PTK7: variants seen among roughly 807,000 people sequenced by gnomAD.
The protein encoded by PTK7 is protein tyrosine kinase 7 (inactive).
PTK7 carries 39 observed loss-of-function variants against 116.6 expected under a neutral mutation model. The observed-to-expected ratio is 0.33, with a 90% CI of 0.26 to 0.44. PTK7 has a LOEUF of 0.44. Ranked by LOEUF, PTK7 falls within the 20% of genes least tolerant of loss-of-function variation. The pLI is 1.00. For synonymous variants in PTK7, 546 were observed against 563.6 expected, an observed-to-expected ratio of 0.97 and a Z score of 0.44; for missense variants, 1,169 against 1,425.6, an observed-to-expected ratio of 0.82 and a Z score of 2.90.
At chr6:43,130,477 C>A in intron 4 of PTK7, 34 bp from the exon 5 acceptor site, 2 of 1,610,408 alleles carry the variant, frequency 1.2e-6, no homozygotes. Flanking sequence ...CCTCACCACC[C>A]AGGCTGCATG....
chr6:43,116,649 T>TGCGCGCGCGCGCGC (rs1212265599), intron 1 of PTK7, among the ~76,000 whole-genome samples: 9 of 73,498 alleles, frequency 1.2e-4, no homozygotes, highest in African/African-American at 6.6e-4. Flanking sequence ...TGTGTGTGTG[T>TGCGCGCGCGCGCGC]GTGCGCGCGC....
chr6:43,097,704 C>T (rs1467955257), intron 1 of PTK7, among the ~76,000 whole-genome samples: 1 of 152,146 alleles, frequency 6.6e-6, no homozygotes, highest in East Asian at 1.9e-4. Flanking sequence ...CTAAATATGC[C>T]GAGATGGCCA....
intron 17 of PTK7, among the ~76,000 whole-genome samples, chr6:43,157,500 A>G (rs1466557198): frequency 6.8e-6 from 1 of 146,734 alleles, no homozygotes; most frequent in Non-Finnish European, 1.5e-5. Flanking sequence ...ATGAGTCACC[A>G]TGCCCAGCAT....
At chr6:43,110,693 AC>A (rs1768149799) in intron 1 of PTK7, among the ~76,000 whole-genome samples, 1 of 152,084 alleles carries the variant, frequency 6.6e-6, no homozygotes, top group South Asian at 2.1e-4. Flanking sequence ...TACAGGTTTG[AC>A]CCACTGTGCC....
At chr6:43,156,807 A>G (rs1279163040) in intron 17 of PTK7, among the ~76,000 whole-genome samples, 1 of 152,030 alleles carries the variant, frequency 6.6e-6, no homozygotes, top group Non-Finnish European at 1.5e-5. Context: ...GAGGCAGGAG[A>G]ATCACTTGAA....
intron 1 of PTK7, among the ~76,000 whole-genome samples, chr6:43,114,653 T>G (rs1190512579): frequency 6.6e-6 from 1 of 152,130 alleles, no homozygotes; most frequent in East Asian, 1.9e-4. Flanking sequence ...GTTCAGCGAT[T>G]GCATCAGCCA....
In PTK7 at chr6:43,141,775, CCG is replaced by C; in HGVS notation, c.1728_1729del (p.Gln577GlyfsTer76). ...CTACACTTGCATTGCCTCCAACGGGCCGCAGGGCCAGATTCGTGCCCATGTCC... is the reference window on the plus strand; with the variant it reads ...CTACACTTGCATTGCCTCCAACGGGCCAGGGCCAGATTCGTGCCCATGTCC... ...GNYTCIASNG[P>X]QGQIRAHVQL... On this transcript the variant is annotated frameshift_variant, in exon 11 of 20. Coordinates refer to ENST00000230419, the MANE Select transcript of PTK7 (RefSeq NM_002821.5). LOFTEE classifies it high-confidence loss of function. The surrounding 1 kb of genome is among the most constrained non-coding windows in gnomAD (Gnocchi z 4.9). 6.2e-7 allele frequency: 1 copy of C among 1,614,128 alleles called. No individual in the cohort carries two copies. Among genetic ancestry groups the C allele is most frequent in the Non-Finnish European group, 8.5e-7 (1 of 1,180,036 alleles).
At chr6:43,142,477 G>A (rs1249491658) in intron 13 of PTK7, 178 bp downstream of exon 13, 2 of 1,028,098 alleles carry the variant, frequency 1.9e-6, no homozygotes, top group Admixed American at 2.0e-5. Context: ...GAGCCGGGCT[G>A]TCGTTTATTT....
chr6:43,141,550 G>T lies in PTK7; in HGVS notation c.1619-118G>T. 1 of 1,255,110 alleles carries T rather than the reference G, an allele frequency of 8.0e-7. No homozygotes were observed. Among genetic ancestry groups the T allele is most frequent in the Non-Finnish European group, 1.1e-6 (1 of 900,344 alleles). 77.7% of individuals were successfully genotyped at this position (1,255,110 alleles called of 1,614,324 possible). A position where few individuals can be genotyped will look rare whatever the true frequency, so the allele number is the denominator to read the frequency against. On this transcript the variant is annotated intron_variant, in intron 10 of 19. Transcript: ENST00000230419. This position sits in a 1 kb window ranked among gnomAD's most constrained non-coding sequence, Gnocchi z 4.9. ...CACTTGGCTCAGGAGTTTGGACTTTGCCTGTGGGTGGTCAGGAGCGATGGT... is the reference window on the plus strand; with the variant it reads ...CACTTGGCTCAGGAGTTTGGACTTTTCCTGTGGGTGGTCAGGAGCGATGGT...
rs1771810399 is a variant in PTK7, at chr6:43,160,898, G to A, written c.*17G>A. The A allele has an allele frequency of 1.2e-6, 2 of 1,612,226 alleles. No homozygotes were observed. Among genetic ancestry groups the A allele is most frequent in the Admixed American group, 3.3e-5 (2 of 59,976 alleles). ...AAGCCGTGAGGAGGGAGCCCGCTCA[G>A]GATGGCCTGGGCAGGGGAGGACATC... On this transcript the variant is annotated 3_prime_UTR_variant, in exon 20 of 20. Coordinates refer to ENST00000230419, the MANE Select transcript of PTK7 (RefSeq NM_002821.5).
intron 18 of PTK7, 74 bp downstream of exon 18, chr6:43,159,042 G>A: frequency 6.4e-7 from 1 of 1,573,924 alleles, no homozygotes; most frequent in South Asian, 1.1e-5. Context: ...AGATAGTTTG[G>A]GGGGTGTGGG....
At chr6:43,127,667 C>T (rs1582150517) in intron 1 of PTK7, among the ~76,000 whole-genome samples, 2 of 151,964 alleles carry the variant, frequency 1.3e-5, no homozygotes, top group African/African-American at 4.8e-5. Context: ...CGGTGGCTCA[C>T]GCCTGTAATC....
At chr6:43,147,597 C>T (rs150454788) in intron 17 of PTK7, among the ~76,000 whole-genome samples, 82 of 152,330 alleles carry the variant, frequency 5.4e-4, no homozygotes, top group African/African-American at 1.9e-3. Context: ...GCCTGCTAGG[C>T]TGTCCCAGGT....
intron 1 of PTK7, among the ~76,000 whole-genome samples, chr6:43,115,927 C>CA (rs886959744): frequency 0.011 from 305 of 27,148 alleles, 3 homozygotes; most frequent in African/African-American, 0.026. Flanking sequence ...GACTCCATCT[C>CA]AAAAAAAAAA....
intron 1 of PTK7, among the ~76,000 whole-genome samples, chr6:43,094,549 C>T (rs1351246465): frequency 6.6e-6 from 1 of 151,452 alleles, no homozygotes; most frequent in African/African-American, 2.4e-5. Flanking sequence ...ACTGCAAGCT[C>T]CGCCTCCTGA....
chr6:43,118,669 ATATATATATATATATATATG>A (rs1225868493), intron 1 of PTK7, among the ~76,000 whole-genome samples: 3,400 of 102,754 alleles, frequency 0.033, 64 homozygotes, highest in African/African-American at 0.064. Context: ...CTATATATAT[ATATATATATATATATATATG>A]TATATATGTA....
chr6:43,122,196 G>A (rs147731560), intron 1 of PTK7, among the ~76,000 whole-genome samples: 2 of 152,342 alleles, frequency 1.3e-5, no homozygotes, highest in African/African-American at 4.8e-5. Flanking sequence ...CTCAAGAGCA[G>A]TCCAGAGTTA....
rs899806970 is a variant in PTK7 at position 43,161,052 on chromosome 6, C to T, written c.*171C>T. The T allele has an allele frequency of 7.0e-6, 7 of 1,005,490 alleles. No individual in the cohort carries two copies. Among genetic ancestry groups the T allele is most frequent in the African/African-American group, 4.9e-5 (3 of 61,236 alleles). The allele number at this position is 1,005,490 out of a possible 1,614,324, so 62.3% of individuals were successfully genotyped here. A position where few individuals can be genotyped will look rare whatever the true frequency, so the allele number is the denominator to read the frequency against. On this transcript the variant is annotated 3_prime_UTR_variant, in exon 20 of 20. Coordinates refer to ENST00000230419, the MANE Select transcript of PTK7 (RefSeq NM_002821.5). ...GGCCTTTCCTCCTCTTCCTCACCCT[C>T]ATCCTTTGGGAGGCTGACTTGGACC...
At chr6:43,136,618 TC>T (rs1275984552) in intron 7 of PTK7, among the ~76,000 whole-genome samples, 1 of 152,128 alleles carries the variant, frequency 6.6e-6, no homozygotes, top group Non-Finnish European at 1.5e-5. Flanking sequence ...GCAGCTGGGT[TC>T]CGAGAGGGCA....
Sources: allele counts gnomAD v4.1 joint callset (sites outside exome capture counted in the v4.1 genomes callset), GRCh38; gene constraint gnomAD v4.1.1; non-coding constraint Gnocchi (gnomAD v3.1); transcripts MANE v1.5; gene names NCBI Gene and HGNC (gene_info 2026-07-23, HGNC 2026-07-21).